Variants in ABCA4 observed in about 807,000 individuals in gnomAD.
The protein encoded by ABCA4 is ATP binding cassette subfamily A member 4.
A neutral mutation model predicts 263.7 loss-of-function variants in ABCA4; 196 were observed. The observed-to-expected ratio is 0.74, with a 90% confidence interval of 0.66 to 0.84. ABCA4 has a LOEUF of 0.84. ABCA4 is among the 40% of genes least tolerant of loss of function. The pLI, the probability that ABCA4 is intolerant of heterozygous loss-of-function variation, is 0.00. For missense variants in ABCA4, 2,792 were observed against 2,855.1 expected (o/e 0.98, Z 0.50); for synonymous variants, 1,133 against 1,094.2 (o/e 1.04, Z -0.70).
intron 4 of ABCA4, among the ~76,000 whole-genome samples, chr1:94,107,493 A>T (rs1232894443): frequency 6.6e-6 from 1 of 152,136 alleles, no homozygotes; most frequent in Non-Finnish European, 1.5e-5. Context: ...ACCCACTCAC[A>T]CTTTGTAAAG....
At chr1:94,030,337 G>A in intron 29 of ABCA4, 91 bp downstream of exon 29, 2 of 1,101,268 alleles carry the variant, frequency 1.8e-6, no homozygotes, top group Middle Eastern at 2.6e-4. Context: ...AGGATTGAGT[G>A]GGGCCTCCCC....
intron 6 of ABCA4, among the ~76,000 whole-genome samples, chr1:94,096,855 A>G (rs891773629): frequency 1.3e-4 from 20 of 152,186 alleles, no homozygotes; most frequent in Admixed American, 6.5e-5. Flanking sequence ...GGATTGCACG[A>G]ACCTGGGTAC....
chr1:94,024,905 A>G (rs763508432), intron 31 of ABCA4, 49 bp downstream of exon 31: 1 of 1,467,748 alleles, frequency 6.8e-7, no homozygotes, highest in Admixed American at 1.7e-5. Flanking sequence ...CCTAGTTAAT[A>G]TCTTCTACAG....
At chr1:94,060,442 G>A in intron 14 of ABCA4, 95 bp downstream of exon 14, 1 of 1,173,016 alleles carries the variant, frequency 8.5e-7, no homozygotes, top group South Asian at 1.2e-5. Context: ...CGCTCTCCTT[G>A]GTGGCCACAT....
chr1:94,078,463 T>C, intron 10 of ABCA4, 127 bp downstream of exon 10: 1 of 756,000 alleles, frequency 1.3e-6, no homozygotes, highest in South Asian at 1.6e-5. Flanking sequence ...CTTTGGGGCC[T>C]GCTTGTTGTA....
intron 22 of ABCA4, 120 bp from the exon 23 acceptor site, chr1:94,041,522 A>C: frequency 9.1e-7 from 1 of 1,093,878 alleles, no homozygotes; most frequent in Non-Finnish European, 1.3e-6. Flanking sequence ...CTAAAAAAAA[A>C]AACCCAAGGG....
At chr1:94,012,453 C>T (rs1659573172) in intron 38 of ABCA4, among the ~76,000 whole-genome samples, 1 of 152,204 alleles carries the variant, frequency 6.6e-6, no homozygotes, top group Non-Finnish European at 1.5e-5. Context: ...TTATCACATT[C>T]CCATGATTAA....
intron 7 of ABCA4, among the ~76,000 whole-genome samples, chr1:94,082,317 A>G (rs1057095639): frequency 2.0e-5 from 3 of 152,250 alleles, no homozygotes; most frequent in Non-Finnish European, 2.9e-5. Context: ...TTAGTTCACA[A>G]ATGATTAGAC....
chr1:94,004,219 C>T (rs1157326359), intron 44 of ABCA4, among the ~76,000 whole-genome samples: 4 of 151,954 alleles, frequency 2.6e-5, no homozygotes, highest in Non-Finnish European at 5.9e-5. Context: ...CATCTGCATG[C>T]ACCCACAAAC....
Position 94,001,118 on chromosome 1 carries a change from G to C in ABCA4, c.6283-13C>G, listed in dbSNP as rs1183729604. On this transcript the variant is annotated splice_polypyrimidine_tract_variant and intron_variant, in intron 45 of 49. Coordinates refer to ENST00000370225, the MANE Select transcript of ABCA4 (RefSeq NM_000350.3). ...TGGTGGGCTCATCCTGGGGGGTGGA[G>C]AGAAGGTTGGGGGCACAGGCTGGGA... 6 of 1,607,652 alleles carry C rather than the reference G, an allele frequency of 3.7e-6. No homozygotes were observed. Among genetic ancestry groups the C allele is most frequent in the African/African-American group, 1.3e-5 (1 of 74,706 alleles).
At chr1:94,043,988 T>C (rs1020234425) in intron 20 of ABCA4, among the ~76,000 whole-genome samples, 3 of 151,932 alleles carry the variant, frequency 2.0e-5, no homozygotes, top group African/African-American at 2.4e-5. Flanking sequence ...ACTTCCTCCC[T>C]CCTTCCCTTT....
In ABCA4 at chr1:94,000,880, C is replaced by G. The variant is rs898249950; in HGVS notation, c.6435G>C (p.Lys2145Asn). Residue 2145 changes from lysine to asparagine, a missense_variant, in exon 47 of 50, where the codon AAG becomes AAC. Transcript: ENST00000370225. ...ALCTRLAIMV[K>N]GAFRCMGTIQ... ...TGGTGCCCATACATCGAAAGGCGCCCTTTACCATGATGGCCAGCCGGGTAC... is the reference window on the plus strand; with the variant it reads ...TGGTGCCCATACATCGAAAGGCGCCGTTTACCATGATGGCCAGCCGGGTAC... 6.2e-7 allele frequency: 1 copy of G among 1,614,094 alleles called. No homozygotes were observed. The highest frequency in any genetic ancestry group is 8.5e-7 in the Non-Finnish European group (1 of 1,180,050).
At chr1:94,022,873 C>T (rs760747446) in intron 32 of ABCA4, among the ~76,000 whole-genome samples, 22 of 152,132 alleles carry the variant, frequency 1.4e-4, no homozygotes, top group Non-Finnish European at 3.1e-4. Flanking sequence ...ATGTCAGCCC[C>T]GCACCTGTTC....
chr1:94,031,045 C>T lies in ABCA4; in HGVS notation c.4204G>A (p.Ala1402Thr), dbSNP rs554101094. The T allele has an allele frequency of 1.4e-5, 22 of 1,613,906 alleles. No homozygotes were observed. The African/African-American group carries it at 1.5e-4, about 11-fold the overall frequency. ...IVIPPFGEYP[A>T]LTLHPWIYGQ... ...TATATCCAGGGGTGAAGGGTCAAAG[C>T]GGGGTATTCGCCAAAAGGAGGGATA... is the stretch of plus-strand genomic sequence containing the variant. The change falls in exon 28 of 50, where the codon GCT becomes ACT. Residue 1402 changes from alanine (A) to threonine (T), a missense_variant. Coordinates refer to ENST00000370225, the MANE Select transcript of ABCA4 (RefSeq NM_000350.3).
In ABCA4 at chr1:94,043,376, G is replaced by A; in HGVS notation, c.3150C>T (p.Gly1050=). 1 of 1,614,090 alleles carries A rather than the reference G, an allele frequency of 6.2e-7. No homozygotes were observed. Among genetic ancestry groups the A allele is most frequent in the South Asian group, 1.1e-5 (1 of 91,072 alleles). ...CCTCTTCATTCCGCTTGTGGTGGAG[G>A]CCTGTGTCCTCCAACATGGCTTCCA... is the stretch of plus-strand genomic sequence containing the variant. ...LEMEAMLEDT[G]LHHKRNEEAQ... is the part of the protein sequence containing the mutation. The change falls in exon 21 of 50, where the codon GGC becomes GGT. Residue 1050 remains glycine, a synonymous_variant. Transcript: ENST00000370225.
At chr1:94,040,795 T>C (rs1217435417) in intron 23 of ABCA4, among the ~76,000 whole-genome samples, 3 of 152,222 alleles carry the variant, frequency 2.0e-5, no homozygotes, top group African/African-American at 7.2e-5. Context: ...TCATCATTTT[T>C]ATGTTATAGC....
intron 6 of ABCA4, among the ~76,000 whole-genome samples, chr1:94,086,118 G>A (rs952243515): frequency 1.3e-5 from 2 of 152,188 alleles, no homozygotes; most frequent in African/African-American, 2.4e-5. Flanking sequence ...TGCTGGGCAT[G>A]TGGTGGGCAC....
chr1:94,098,070 T>A (rs1369965920), intron 6 of ABCA4, among the ~76,000 whole-genome samples: 1 of 152,228 alleles, frequency 6.6e-6, no homozygotes, highest in East Asian at 1.9e-4. Flanking sequence ...TGATGGTTTT[T>A]ATGCACTTTG....
intron 6 of ABCA4, among the ~76,000 whole-genome samples, chr1:94,097,850 C>T (rs1001200596): frequency 6.9e-4 from 105 of 152,166 alleles, no homozygotes; most frequent in South Asian, 1.2e-3. Context: ...CCCGGGTTCA[C>T]GCCATTCTCC....
Sources: gnomAD v4.1 joint callset for allele counts (sites outside exome capture counted in the v4.1 genomes callset) on GRCh38, gnomAD v4.1.1 for gene constraint, MANE v1.5 for transcripts, NCBI Gene and HGNC (gene_info 2026-07-23, HGNC 2026-07-21) for gene names.